Variants in UTY observed in about 807,000 individuals in gnomAD.
UTY encodes histone demethylase UTY.
A neutral mutation model predicts 32.5 loss-of-function variants in UTY; 12 were observed. That is an observed-to-expected ratio of 0.37 (90% CI 0.24 to 0.60). The LOEUF is 0.60. Among genes scored for constraint, UTY ranks in the 20% least tolerant of loss-of-function variants. The pLI is 0.69. For synonymous variants in UTY, 131 were observed against 103.4 expected (o/e 1.27, Z -1.62); for missense variants, 303 against 299.2 (o/e 1.01, Z -0.09).
At chrY:13,274,790 T>A (rs1049603933) in intron 27 of UTY, among the ~76,000 whole-genome samples, 36 of 28,483 alleles carry the variant, frequency 1.3e-3, no homozygotes, top group African/African-American at 3.7e-3. Flanking sequence ...CTCAAAAAAA[T>A]AAATAAATAA....
At chrY:13,435,068 A>G (rs908545286) in intron 4 of UTY, among the ~76,000 whole-genome samples, 10 of 33,716 alleles carry the variant, frequency 3.0e-4, no homozygotes, top group Non-Finnish European at 5.1e-4. Flanking sequence ...ACTATATGAA[A>G]TAACATCTCA....
chrY:13,380,059 GTGTATATATATATATATATATATA>G (rs2065935615), intron 8 of UTY, among the ~76,000 whole-genome samples: 3 of 7,295 alleles, frequency 4.1e-4, no homozygotes, highest in African/African-American at 3.4e-3. Flanking sequence ...GTGTGTGTGT[GTGTATATATATATATATATATATA>G]TATATATATA....
At chrY:13,395,508 T>C in intron 7 of UTY, among the ~76,000 whole-genome samples, 1 of 32,374 alleles carries the variant, frequency 3.1e-5, no homozygotes, top group African/African-American at 1.2e-4. Flanking sequence ...AGGCATTGCA[T>C]GCGCCTTAAA....
At chrY:13,330,919 A>G (rs2060633732) in intron 18 of UTY, among the ~76,000 whole-genome samples, 2 of 33,324 alleles carry the variant, frequency 6.0e-5, no homozygotes, top group African/African-American at 2.4e-4. Flanking sequence ...AGCGCAGCCA[A>G]GAGGCTGGGG....
chrY:13,247,515 T>C (rs2053963158), downstream of UTY, among the ~76,000 whole-genome samples: 3 of 32,429 alleles, frequency 9.3e-5, no homozygotes, highest in Non-Finnish European at 2.3e-4. Flanking sequence ...TGGTGAAACC[T>C]TGTTTCTACT....
intron 3 of UTY, among the ~76,000 whole-genome samples, chrY:13,453,522 T>C (rs2076483118): frequency 2.9e-5 from 1 of 34,189 alleles, no homozygotes; most frequent in Non-Finnish European, 7.3e-5. Flanking sequence ...GCAAATCATA[T>C]GTTTAATCAA....
intron 8 of UTY, among the ~76,000 whole-genome samples, chrY:13,378,017 GA>G (rs2065578919): frequency 1.3e-4 from 4 of 30,426 alleles, no homozygotes; most frequent in Admixed American, 8.8e-4. Flanking sequence ...GAATCTGAAA[GA>G]AAAAAAAAGA....
chrY:13,289,598 A>G, intron 27 of UTY, among the ~76,000 whole-genome samples: 1 of 33,969 alleles, frequency 2.9e-5, no homozygotes, highest in African/African-American at 1.2e-4. Flanking sequence ...AAGGACAGGA[A>G]TTGCTCATGC....
At chrY:13,456,242 A>G (rs2076790055) in intron 3 of UTY, among the ~76,000 whole-genome samples, 1 of 33,734 alleles carries the variant, frequency 3.0e-5, no homozygotes, top group African/African-American at 1.2e-4. Context: ...TAAAAGAAAG[A>G]TATTTCACAC....
intron 4 of UTY, among the ~76,000 whole-genome samples, chrY:13,436,967 GAC>G (rs774903488): frequency 0.018 from 434 of 23,853 alleles, no homozygotes; most frequent in East Asian, 0.053. Flanking sequence ...AAGCAAAAGA[GAC>G]ACACACACAC....
chrY:13,415,856 C>T, intron 4 of UTY, among the ~76,000 whole-genome samples: 1 of 34,221 alleles, frequency 2.9e-5, no homozygotes, highest in Admixed American at 2.6e-4. Context: ...AGAACAACAA[C>T]AGAACAGCAG....
At chrY:13,297,520 A>T in intron 27 of UTY, 187 bp downstream of exon 27, 1 of 285,689 alleles carries the variant, frequency 3.5e-6, no homozygotes, top group South Asian at 4.6e-5. Context: ...AAGGGAAGGC[A>T]ATATTTTAAT....
chrY:13,258,099 A>C (rs2054935186), intron 28 of UTY, among the ~76,000 whole-genome samples: 1 of 33,846 alleles, frequency 3.0e-5, no homozygotes, highest in Non-Finnish European at 7.3e-5. Context: ...TTCTGATCTC[A>C]GTATTTACCA....
At chrY:13,353,816 T>C in intron 17 of UTY, among the ~76,000 whole-genome samples, 2 of 33,681 alleles carry the variant, frequency 5.9e-5, no homozygotes, top group Non-Finnish European at 1.5e-4. Context: ...GTTTGACAGG[T>C]GGAGCCTGAA....
chrY:13,356,765 C>T (rs2062959993), intron 15 of UTY, among the ~76,000 whole-genome samples: 1 of 18,907 alleles, frequency 5.3e-5, no homozygotes, highest in Non-Finnish European at 1.1e-4. Flanking sequence ...TGTCACTGCA[C>T]TCCAGCCTGG....
At chrY:13,446,548 T>TGTGA (rs2075755627) in intron 4 of UTY, among the ~76,000 whole-genome samples, 1 of 19,984 alleles carries the variant, frequency 5.0e-5, no homozygotes, top group Non-Finnish European at 1.1e-4. Context: ...TGGGTAACAG[T>TGTGA]GTGAGATAGA....
chrY:13,366,800 T>G, intron 9 of UTY, among the ~76,000 whole-genome samples: 1 of 34,715 alleles, frequency 2.9e-5, no homozygotes, highest in Non-Finnish European at 7.3e-5. Context: ...ATCCAAAGAA[T>G]AAAAAAATGC....
intron 27 of UTY, chrY:13,286,732 T>C: frequency 2.8e-6 from 1 of 362,263 alleles, no homozygotes; most frequent in Admixed American, 7.4e-5. Flanking sequence ...TTTAAGGCTA[T>C]TAACCAGGGT....
chrY:13,462,017 T>G (rs2077410840), intron 3 of UTY, among the ~76,000 whole-genome samples: 1 of 33,652 alleles, frequency 3.0e-5, no homozygotes. Flanking sequence ...TTCAGGTATT[T>G]TGGCACGATA....
Sources: allele counts gnomAD v4.1 joint callset (sites outside exome capture counted in the v4.1 genomes callset), GRCh38; gene constraint gnomAD v4.1.1; transcripts MANE v1.5; gene names NCBI Gene and HGNC (gene_info 2026-07-23, HGNC 2026-07-21).